CACNA2D3: variants seen among roughly 807,000 people sequenced by gnomAD.
CACNA2D3 encodes the protein calcium voltage-gated channel auxiliary subunit alpha2delta 3, also known as voltage-dependent calcium channel subunit alpha-2/delta-3.
Under a neutral mutation model 160.6 loss-of-function variants are expected in CACNA2D3, and 60 were observed. That is an observed-to-expected ratio of 0.37 (90% confidence interval 0.30 to 0.46). The LOEUF is 0.46. Among genes scored for constraint, CACNA2D3 ranks in the 20% least tolerant of loss-of-function variants. CACNA2D3 has a pLI of 1.00. For missense variants in CACNA2D3, 1,205 were observed against 1,365.0 expected (o/e 0.88, Z 1.85); for synonymous variants, 558 against 492.9 (o/e 1.13, Z -1.75).
chr3:54,889,153 A>T (rs978503580), intron 24 of CACNA2D3, among the ~76,000 whole-genome samples: 2 of 152,194 alleles, frequency 1.3e-5, no homozygotes, highest in African/African-American at 4.8e-5. Flanking sequence ...AGCCTGGAAG[A>T]TGTCAGAGGA....
intron 35 of CACNA2D3, among the ~76,000 whole-genome samples, chr3:55,040,474 T>C (rs1435102247): frequency 6.6e-6 from 1 of 152,226 alleles, no homozygotes; most frequent in Non-Finnish European, 1.5e-5. Flanking sequence ...GTAGTTTTTT[T>C]ATTTTTAGGC....
At chr3:55,074,074 A>G in intron 37 of CACNA2D3, 40 bp from the exon 38 acceptor site, 1 of 1,522,146 alleles carries the variant, frequency 6.6e-7, no homozygotes, top group South Asian at 1.1e-5. Flanking sequence ...GGTGTCCTGG[A>G]GTCTATTTCC....
intron 35 of CACNA2D3, among the ~76,000 whole-genome samples, chr3:55,027,904 C>T (rs1186387892): frequency 1.3e-5 from 2 of 152,210 alleles, no homozygotes; most frequent in South Asian, 2.1e-4. Context: ...GCACTTCCCA[C>T]GGGAACAGGC....
chr3:54,793,037 G>T (rs910985436), intron 13 of CACNA2D3, among the ~76,000 whole-genome samples: 3 of 152,168 alleles, frequency 2.0e-5, no homozygotes, highest in African/African-American at 7.2e-5. Flanking sequence ...TACATCCATG[G>T]AGATTTTGTT....
intron 24 of CACNA2D3, among the ~76,000 whole-genome samples, chr3:54,889,857 C>G (rs940435164): frequency 6.6e-6 from 1 of 152,160 alleles, no homozygotes; most frequent in Non-Finnish European, 1.5e-5. Flanking sequence ...TCTCATGAAA[C>G]TCAAAATCTT....
intron 4 of CACNA2D3, among the ~76,000 whole-genome samples, chr3:54,464,312 CAG>C (rs1700569789): frequency 6.6e-6 from 1 of 152,190 alleles, no homozygotes; most frequent in East Asian, 1.9e-4. Flanking sequence ...AGCTGTCAGA[CAG>C]GGACATTTAA....
chr3:54,547,962 C>T (rs909812603), intron 5 of CACNA2D3, among the ~76,000 whole-genome samples: 5 of 152,114 alleles, frequency 3.3e-5, no homozygotes, highest in Admixed American at 1.3e-4. Flanking sequence ...CCAAAGCACT[C>T]GGATTACAGG....
intron 11 of CACNA2D3, among the ~76,000 whole-genome samples, chr3:54,704,620 TA>T (rs1366583684): frequency 6.6e-6 from 1 of 152,154 alleles, no homozygotes; most frequent in Non-Finnish European, 1.5e-5. Flanking sequence ...ACGTTGGTGA[TA>T]GGAACAGCAC....
At chr3:54,598,527 T>C (rs529605186) in intron 9 of CACNA2D3, among the ~76,000 whole-genome samples, 4 of 152,192 alleles carry the variant, frequency 2.6e-5, no homozygotes, top group Non-Finnish European at 4.4e-5. Flanking sequence ...ACATCCCAGA[T>C]GGTTCGAATA....
intron 27 of CACNA2D3, among the ~76,000 whole-genome samples, chr3:54,944,892 C>G (rs894578976): frequency 2.0e-5 from 3 of 151,310 alleles, no homozygotes. Flanking sequence ...GTTTTTCTTT[C>G]TTTTTTCAAG....
intron 13 of CACNA2D3, among the ~76,000 whole-genome samples, chr3:54,778,364 C>G (rs949774488): frequency 6.6e-5 from 10 of 152,120 alleles, no homozygotes; most frequent in Non-Finnish European, 1.3e-4. Context: ...TTTATAGTCT[C>G]TAGAACCAGC....
chr3:54,483,448 G>A (rs531601484), intron 4 of CACNA2D3, among the ~76,000 whole-genome samples: 8 of 152,262 alleles, frequency 5.3e-5, no homozygotes, highest in African/African-American at 1.7e-4. Flanking sequence ...AATTGAAGTT[G>A]TTTTCTCTTG....
intron 13 of CACNA2D3, among the ~76,000 whole-genome samples, chr3:54,771,558 C>G (rs1359217094): frequency 1.3e-5 from 2 of 152,194 alleles, no homozygotes; most frequent in East Asian, 1.9e-4. Flanking sequence ...GGACCACTCC[C>G]AGCTCCCAAA....
At chr3:54,986,559 C>T (rs1702616845) in intron 30 of CACNA2D3, among the ~76,000 whole-genome samples, 1 of 152,144 alleles carries the variant, frequency 6.6e-6, no homozygotes, top group Non-Finnish European at 1.5e-5. Context: ...TTCCTTCTTC[C>T]TCCTTTTCTC....
chr3:54,596,610 C>T (rs1452999949), intron 9 of CACNA2D3, among the ~76,000 whole-genome samples: 3 of 151,982 alleles, frequency 2.0e-5, no homozygotes, highest in South Asian at 4.1e-4. Context: ...ACGCCTTTTG[C>T]TTGTGGGTTC....
intron 3 of CACNA2D3, among the ~76,000 whole-genome samples, chr3:54,338,959 G>T (rs1015480477): frequency 6.6e-6 from 1 of 152,170 alleles, no homozygotes; most frequent in South Asian, 2.1e-4. Context: ...CAGTAGCCAG[G>T]TTATTTTCTC....
At chr3:54,505,151 G>A (rs903021719) in intron 5 of CACNA2D3, among the ~76,000 whole-genome samples, 1 of 152,186 alleles carries the variant, frequency 6.6e-6, no homozygotes, top group African/African-American at 2.4e-5. Context: ...TTAAGAGTCA[G>A]TGGAGGCAGT....
At chr3:54,423,960 C>T (rs1295537565) in intron 4 of CACNA2D3, among the ~76,000 whole-genome samples, 3 of 151,198 alleles carry the variant, frequency 2.0e-5, no homozygotes, top group Admixed American at 6.6e-5. Context: ...GGCGTGATCA[C>T]GGCTCACTGC....
chr3:54,598,335 AGAAAGG>A, intron 9 of CACNA2D3, among the ~76,000 whole-genome samples: 1 of 143,898 alleles, frequency 6.9e-6, no homozygotes, highest in Non-Finnish European at 1.5e-5. Context: ...AAAAAAAAGA[AGAAAGG>A]AAAAAAAAGA....
Sources: allele counts gnomAD v4.1 joint callset (sites outside exome capture counted in the v4.1 genomes callset), GRCh38; gene constraint gnomAD v4.1.1; transcripts MANE v1.5; gene names NCBI Gene and HGNC (gene_info 2026-07-23, HGNC 2026-07-21).